Variants in TGFBR2 observed in about 807,000 individuals in gnomAD.
TGFBR2 encodes the protein transforming growth factor beta receptor 2.
Under a neutral mutation model 49.0 loss-of-function variants are expected in TGFBR2, and 18 were observed. That is an observed-to-expected ratio of 0.37 (90% CI 0.25 to 0.54). TGFBR2 has a LOEUF of 0.54. Among genes scored for constraint, TGFBR2 ranks in the 20% least tolerant of loss-of-function variants. The pLI is 0.85. For missense variants in TGFBR2, 525 were observed against 722.6 expected (o/e 0.73, Z 3.13); for synonymous variants, 282 against 275.9 (o/e 1.02, Z -0.22).
intron 1 of TGFBR2, chr3:30,623,149 T>C: frequency 1.0e-6 from 1 of 995,646 alleles, no homozygotes; most frequent in Non-Finnish European, 1.6e-6. Flanking sequence ...CTGTCATCTG[T>C]AATTTTAAAA....
intron 3 of TGFBR2, among the ~76,000 whole-genome samples, chr3:30,659,748 C>T (rs1341110788): frequency 6.6e-6 from 1 of 151,672 alleles, no homozygotes; most frequent in Non-Finnish European, 1.5e-5. Flanking sequence ...TAGCAAGGTT[C>T]GGGTGGTTCC....
intron 1 of TGFBR2, among the ~76,000 whole-genome samples, chr3:30,644,119 C>CAG (rs1348604102): frequency 6.6e-6 from 1 of 152,286 alleles, no homozygotes; most frequent in South Asian, 2.1e-4. Context: ...GCCTCAAACA[C>CAG]AGAGAGAGAT....
At chr3:30,625,175 T>C (rs1698311320) in intron 1 of TGFBR2, among the ~76,000 whole-genome samples, 1 of 152,240 alleles carries the variant, frequency 6.6e-6, no homozygotes, top group Non-Finnish European at 1.5e-5. Flanking sequence ...ATATTAAAAA[T>C]AGTGTTTCTT....
At chr3:30,633,399 C>T (rs1445952364) in intron 1 of TGFBR2, among the ~76,000 whole-genome samples, 2 of 152,160 alleles carry the variant, frequency 1.3e-5, no homozygotes, top group Admixed American at 1.3e-4. Context: ...TGGCCTTGAA[C>T]TGAAATGTGA....
chr3:30,668,015 T>G (rs544192491), intron 3 of TGFBR2, among the ~76,000 whole-genome samples: 1 of 152,240 alleles, frequency 6.6e-6, no homozygotes, highest in African/African-American at 2.4e-5. Context: ...TGCATGAACC[T>G]CTTAGTTTTA....
chr3:30,677,582 G>T (rs958052019), intron 5 of TGFBR2, among the ~76,000 whole-genome samples: 2 of 152,272 alleles, frequency 1.3e-5, no homozygotes, highest in East Asian at 3.9e-4. Flanking sequence ...AGCATTAGTG[G>T]TTTTTGTTTG....
At chr3:30,667,134 T>G (rs188599327) in intron 3 of TGFBR2, among the ~76,000 whole-genome samples, 3 of 152,324 alleles carry the variant, frequency 2.0e-5, no homozygotes, top group Non-Finnish European at 1.5e-5. Flanking sequence ...GGGTTTATAA[T>G]AATAGCAGTT....
At position 30,655,284 on chromosome 3, in the gene TGFBR2, T is replaced by C. The variant is rs563699316; in HGVS notation, c.454+4824T>C. 2.7e-4 allele frequency among the ~76,000 whole-genome samples: 41 copies of C among 152,232 alleles called. No individual in the cohort carries two copies. In the South Asian group the frequency reaches 8.1e-3, roughly 30 times the overall value. ...TTCGGTCTGTTCTAACACTGAAGTT[T>C]TGTAGTTGAGTGCTGACTGTGGTGC... On this transcript the variant is annotated intron_variant, in intron 3 of 6. Coordinates refer to ENST00000295754, the MANE Select transcript of TGFBR2 (RefSeq NM_003242.6).
intron 5 of TGFBR2, among the ~76,000 whole-genome samples, chr3:30,682,213 G>A (rs991442168): frequency 3.3e-5 from 5 of 152,158 alleles, no homozygotes; most frequent in South Asian, 2.1e-4. Flanking sequence ...ATAATTGTAG[G>A]GGGCATATGT....
chr3:30,675,433 C>T (rs1424269797), intron 5 of TGFBR2, among the ~76,000 whole-genome samples: 1 of 150,616 alleles, frequency 6.6e-6, no homozygotes, highest in Non-Finnish European at 1.5e-5. Flanking sequence ...GTCACCCAGG[C>T]TGGAGTGCAA....
chr3:30,613,468 C>T (rs771196627), intron 1 of TGFBR2, among the ~76,000 whole-genome samples: 1 of 151,886 alleles, frequency 6.6e-6, no homozygotes, highest in Non-Finnish European at 1.5e-5. Context: ...ACTGGTTGTG[C>T]AATCTCTGCA....
chr3:30,614,090 T>A (rs1444023293), intron 1 of TGFBR2, among the ~76,000 whole-genome samples: 1 of 151,522 alleles, frequency 6.6e-6, no homozygotes, highest in Non-Finnish European at 1.5e-5. Flanking sequence ...TGAAGTGAAC[T>A]TTAGCTCTAT....
chr3:30,608,110 T>C (rs1032111051), intron 1 of TGFBR2, among the ~76,000 whole-genome samples: 2 of 151,968 alleles, frequency 1.3e-5, no homozygotes, highest in African/African-American at 4.8e-5. Context: ...AGCTAATTTT[T>C]GTATTTTTAG....
intron 5 of TGFBR2, among the ~76,000 whole-genome samples, chr3:30,675,542 A>G (rs1285899471): frequency 6.6e-6 from 1 of 152,102 alleles, no homozygotes; most frequent in Non-Finnish European, 1.5e-5. Context: ...ATGCACCACC[A>G]CGCTCAGCTA....
At chr3:30,657,239 A>G (rs1198838502) in intron 3 of TGFBR2, among the ~76,000 whole-genome samples, 2 of 152,150 alleles carry the variant, frequency 1.3e-5, no homozygotes, top group Non-Finnish European at 2.9e-5. Flanking sequence ...GTCTTAACCC[A>G]TGGGAGGCTG....
At chr3:30,687,631 TG>T (rs1699647597) in intron 5 of TGFBR2, among the ~76,000 whole-genome samples, 1 of 152,242 alleles carries the variant, frequency 6.6e-6, no homozygotes, top group Non-Finnish European at 1.5e-5. Context: ...TACAGTTTAC[TG>T]GCATTAAGTA....
At chr3:30,639,926 G>A (rs971350486) in intron 1 of TGFBR2, among the ~76,000 whole-genome samples, 2 of 152,272 alleles carry the variant, frequency 1.3e-5, no homozygotes, top group East Asian at 1.9e-4. Flanking sequence ...TCAAAGATTT[G>A]GACTAAGGTC....
At chr3:30,641,937 C>T (rs1698654040) in intron 1 of TGFBR2, among the ~76,000 whole-genome samples, 1 of 151,826 alleles carries the variant, frequency 6.6e-6, no homozygotes, top group Non-Finnish European at 1.5e-5. Context: ...CTACATCCTT[C>T]TTCCCTTTCT....
At chr3:30,648,838 C>A (rs891594) in intron 2 of TGFBR2, among the ~76,000 whole-genome samples, 21,740 of 152,130 alleles carry the variant, frequency 0.14, 1,774 homozygotes, top group East Asian at 0.37. Flanking sequence ...CTAACCCATA[C>A]CCTTGCCCTT....
Sources: allele counts gnomAD v4.1 joint callset (sites outside exome capture counted in the v4.1 genomes callset), GRCh38; gene constraint gnomAD v4.1.1; transcripts MANE v1.5; gene names NCBI Gene and HGNC (gene_info 2026-07-23, HGNC 2026-07-21).